MYO10: variants seen among roughly 807,000 people sequenced by gnomAD.
MYO10 encodes the protein myosin X.
MYO10 carries 133 observed loss-of-function variants against 257.3 expected under a neutral mutation model. The observed-to-expected ratio is 0.52, with a 90% CI of 0.45 to 0.60. The LOEUF (loss-of-function observed/expected upper bound fraction) is 0.60. Among genes scored for constraint, MYO10 ranks in the 20% least tolerant of loss-of-function variants. The pLI is 0.00. For missense variants in MYO10, 2,399 were observed against 2,635.7 expected (o/e 0.91, Z 1.97); for synonymous variants, 1,104 against 1,028.6 (o/e 1.07, Z -1.40).
chr5:16,673,896 G>A lies in MYO10; in HGVS notation c.4965-7C>T. 1 of 1,612,956 alleles carries A rather than the reference G, an allele frequency of 6.2e-7. No homozygotes were observed. Among genetic ancestry groups the A allele is most frequent in the Non-Finnish European group, 8.5e-7 (1 of 1,179,142 alleles). ...TGGAAACTGTTCCCGTATCCTAGGA[G>A]GCAAACACTAACTGTTAATTTTTAG... On this transcript the variant is annotated splice_region_variant and splice_polypyrimidine_tract_variant and intron_variant, in intron 35 of 40. Coordinates refer to ENST00000513610, the MANE Select transcript of MYO10 (RefSeq NM_012334.3).
chr5:16,817,399 A>G (rs1251262264), intron 3 of MYO10, among the ~76,000 whole-genome samples: 3 of 152,258 alleles, frequency 2.0e-5, no homozygotes, highest in Admixed American at 6.5e-5. Context: ...TCAAAAATTT[A>G]TAACAAGTGA....
At chr5:16,843,883 C>T (rs1050605033) in intron 2 of MYO10, among the ~76,000 whole-genome samples, 14 of 152,148 alleles carry the variant, frequency 9.2e-5, no homozygotes, top group Middle Eastern at 3.2e-3. Context: ...CACAAGTTAA[C>T]CTGAAAAGGT....
intron 3 of MYO10, among the ~76,000 whole-genome samples, chr5:16,805,808 C>T (rs1742259200): frequency 6.6e-6 from 1 of 152,116 alleles, no homozygotes; most frequent in Non-Finnish European, 1.5e-5. Flanking sequence ...AAATACATTC[C>T]CTTGCCCATT....
rs905428176 is a variant in MYO10 at position 16,665,239 on chromosome 5, C to G, written c.*1453G>C. The G allele has an allele frequency of 6.7e-6, 1 of 149,062 alleles. No individual in the cohort carries two copies. Among genetic ancestry groups the G allele is most frequent in the African/African-American group, 2.5e-5 (1 of 40,748 alleles). The allele number at this position is 149,062 out of a possible 1,614,324, so 9.2% of individuals were successfully genotyped here. On this transcript the variant is annotated 3_prime_UTR_variant, in exon 41 of 41. Coordinates refer to ENST00000513610, the MANE Select transcript of MYO10 (RefSeq NM_012334.3). Reference sequence around the variant, plus strand: ...AAAAAAAACCACCAAAAAGCCAAAACAAAAATAAGCCTCCCCTCCATGGTT... The same window carrying G: ...AAAAAAAACCACCAAAAAGCCAAAAGAAAAATAAGCCTCCCCTCCATGGTT...
At chr5:16,876,915 A>T (rs1371539506) in intron 2 of MYO10, among the ~76,000 whole-genome samples, 2 of 152,148 alleles carry the variant, frequency 1.3e-5, no homozygotes. Context: ...TCTCCCATGC[A>T]GTGCTGTTAG....
intron 1 of MYO10, among the ~76,000 whole-genome samples, chr5:16,918,818 G>T (rs1399150840): frequency 6.6e-6 from 1 of 151,950 alleles, no homozygotes; most frequent in Non-Finnish European, 1.5e-5. Context: ...AGTATTTTTC[G>T]AGCCCTCACT....
At chr5:16,852,050 C>CAAAAAAAAA (rs70943811) in intron 2 of MYO10, among the ~76,000 whole-genome samples, 1 of 42,540 alleles carries the variant, frequency 2.4e-5, no homozygotes, top group African/African-American at 7.4e-5. Context: ...GACTCCATCT[C>CAAAAAAAAA]AAAAAAAAAA....
Position 16,935,994 on chromosome 5 carries a change from T to A in MYO10, c.-186A>T. ...CACCTTTTGTTCGCCCAAACCCAAG[T>A]CCCTAACTCGCCCGTCCCGACGGCA... On this transcript the variant is annotated 5_prime_UTR_variant, in exon 1 of 41. Coordinates refer to ENST00000513610, the MANE Select transcript of MYO10 (RefSeq NM_012334.3). 2 of 667,416 alleles carry A rather than the reference T, an allele frequency of 3.0e-6. No homozygotes were observed. 41.3% of individuals were successfully genotyped at this position (667,416 alleles called of 1,614,324 possible).
intron 2 of MYO10, among the ~76,000 whole-genome samples, chr5:16,848,442 G>A (rs1004876276): frequency 2.6e-5 from 4 of 152,058 alleles, no homozygotes; most frequent in Non-Finnish European, 4.4e-5. Context: ...TTATAGCCAT[G>A]AGCCATCGCA....
intron 34 of MYO10, among the ~76,000 whole-genome samples, 192 bp downstream of exon 34, chr5:16,675,839 G>A (rs1373109615): frequency 6.6e-6 from 1 of 152,142 alleles, no homozygotes; most frequent in Non-Finnish European, 1.5e-5. Context: ...ATCAATCTTA[G>A]CATTACTACA....
chr5:16,801,243 C>T (rs1204857001), intron 3 of MYO10, among the ~76,000 whole-genome samples: 1 of 152,080 alleles, frequency 6.6e-6, no homozygotes, highest in African/African-American at 2.4e-5. Flanking sequence ...AGTCTCGCTC[C>T]GTTGCCCAGG....
chr5:16,785,938 G>A (rs1741566997), intron 4 of MYO10, among the ~76,000 whole-genome samples: 1 of 152,066 alleles, frequency 6.6e-6, no homozygotes, highest in South Asian at 2.1e-4. Flanking sequence ...GGGACCAAGT[G>A]TAGCCAGTTG....
At chr5:16,884,994 C>CA (rs1471000531) in intron 1 of MYO10, among the ~76,000 whole-genome samples, 1 of 152,072 alleles carries the variant, frequency 6.6e-6, no homozygotes, top group African/African-American at 2.4e-5. Context: ...CCATGAACTT[C>CA]AAAAATCCCA....
chr5:16,932,410 T>C (rs569503634), intron 1 of MYO10, among the ~76,000 whole-genome samples: 2 of 152,300 alleles, frequency 1.3e-5, no homozygotes, highest in African/African-American at 4.8e-5. Flanking sequence ...CTTCAGCACA[T>C]CAACACAAGT....
chr5:16,882,016 A>C (rs1312381283), intron 1 of MYO10, among the ~76,000 whole-genome samples: 2 of 152,200 alleles, frequency 1.3e-5, no homozygotes, highest in African/African-American at 4.8e-5. Context: ...CATTTTATTA[A>C]AACGTGGACA....
intron 19 of MYO10, chr5:16,741,769 C>T: frequency 1.0e-6 from 1 of 979,856 alleles, no homozygotes; most frequent in Non-Finnish European, 1.2e-6. Context: ...TTACATGAAA[C>T]TTTTAAGCAG....
intron 1 of MYO10, among the ~76,000 whole-genome samples, chr5:16,904,325 C>G (rs1008607248): frequency 1.3e-5 from 2 of 152,140 alleles, no homozygotes; most frequent in Non-Finnish European, 2.9e-5. Context: ...AGCCAGTAAA[C>G]GTAAGCCAGT....
Position 16,711,029 on chromosome 5 carries a change from C to G in MYO10, c.2055-7G>C, listed in dbSNP as rs370411932. ...CCTCATCAGCACTTTATACCTGCAACGTGAAGACACACAGGGTCACCTTCT... is the reference window on the plus strand; with the variant it reads ...CCTCATCAGCACTTTATACCTGCAAGGTGAAGACACACAGGGTCACCTTCT... On this transcript the variant is annotated splice_region_variant and splice_polypyrimidine_tract_variant and intron_variant, in intron 20 of 40. Coordinates refer to ENST00000513610, the MANE Select transcript of MYO10 (RefSeq NM_012334.3). 1 of 1,613,970 alleles carries G rather than the reference C, an allele frequency of 6.2e-7. No homozygotes were observed. The highest frequency in any genetic ancestry group is 8.5e-7 in the Non-Finnish European group (1 of 1,179,850).
At chr5:16,756,383 T>A (rs947665065) in intron 18 of MYO10, among the ~76,000 whole-genome samples, 3 of 152,184 alleles carry the variant, frequency 2.0e-5, no homozygotes, top group Non-Finnish European at 2.9e-5. Context: ...TTTAAAGGGT[T>A]TGTTCTTTTG....
Sources: allele counts gnomAD v4.1 joint callset (sites outside exome capture counted in the v4.1 genomes callset), GRCh38; gene constraint gnomAD v4.1.1; transcripts MANE v1.5; gene names NCBI Gene and HGNC (gene_info 2026-07-23, HGNC 2026-07-21).